The following ASIC2 variants were observed in gnomAD, a reference collection of about 807,000 sequenced individuals.
ASIC2 encodes acid sensing ion channel subunit 2, also known as acid-sensing ion channel 2.
ASIC2 carries 25 observed loss-of-function variants against 57.3 expected under a neutral mutation model. The observed-to-expected ratio is 0.44, with a 90% CI of 0.32 to 0.61. The LOEUF (loss-of-function observed/expected upper bound fraction) is 0.61. Among genes scored for constraint, ASIC2 ranks in the 20% least tolerant of loss-of-function variants. ASIC2 has a pLI of 0.06. For missense variants in ASIC2, 641 were observed against 738.1 expected, an observed-to-expected ratio of 0.87 and a Z score of 1.52; for synonymous variants, 319 against 307.5, an observed-to-expected ratio of 1.04 and a Z score of -0.39.
At chr17:33,467,091 C>T (rs1044427240) in intron 1 of ASIC2, among the ~76,000 whole-genome samples, 35 of 152,236 alleles carry the variant, frequency 2.3e-4, no homozygotes, top group African/African-American at 8.2e-4. Flanking sequence ...TTGCAATCTA[C>T]CTATCTGACA....
chr17:34,011,307 AC>A (rs544786784), intron 1 of ASIC2, among the ~76,000 whole-genome samples: 362 of 152,054 alleles, frequency 2.4e-3, no homozygotes, highest in Non-Finnish European at 4.1e-3. Flanking sequence ...CCTTCCTCCT[AC>A]CTGCCCCCAG....
intron 1 of ASIC2, among the ~76,000 whole-genome samples, chr17:33,554,081 C>T (rs1915831849): frequency 6.6e-6 from 1 of 152,200 alleles, no homozygotes; most frequent in South Asian, 2.1e-4. Flanking sequence ...GAGAATTACA[C>T]AGGGCAGCCA....
At chr17:33,841,997 G>A (rs558000442) in intron 1 of ASIC2, among the ~76,000 whole-genome samples, 7 of 152,172 alleles carry the variant, frequency 4.6e-5, no homozygotes, top group Middle Eastern at 3.4e-3. Flanking sequence ...GTCCAGTGGC[G>A]GAGGGCTAGA....
intron 1 of ASIC2, among the ~76,000 whole-genome samples, chr17:33,358,346 T>C (rs1908468246): frequency 6.6e-6 from 1 of 152,206 alleles, no homozygotes; most frequent in African/African-American, 2.4e-5. Flanking sequence ...TGCTGACCAA[T>C]GTTCTAGATC....
intron 1 of ASIC2, among the ~76,000 whole-genome samples, chr17:33,370,302 C>T (rs1908999963): frequency 6.6e-6 from 1 of 152,224 alleles, no homozygotes; most frequent in Admixed American, 6.5e-5. Flanking sequence ...GATCAAAGAA[C>T]ACCACCCCCA....
chr17:33,142,205 G>A (rs1904344117), intron 1 of ASIC2, among the ~76,000 whole-genome samples: 1 of 152,174 alleles, frequency 6.6e-6, no homozygotes, highest in African/African-American at 2.4e-5. Context: ...TCTTGGGAAT[G>A]GGGAAGGTAA....
chr17:33,880,265 C>A (rs1914665518), intron 1 of ASIC2, among the ~76,000 whole-genome samples: 1 of 152,024 alleles, frequency 6.6e-6, no homozygotes, highest in African/African-American at 2.4e-5. Context: ...CAGAGCAGAA[C>A]TGAAGGAAAT....
At chr17:33,759,662 A>G (rs2142111248) in intron 1 of ASIC2, among the ~76,000 whole-genome samples, 1 of 152,228 alleles carries the variant, frequency 6.6e-6, no homozygotes, top group East Asian at 1.9e-4. Context: ...GGTCCTCATG[A>G]TGGCCTTGCT....
At chr17:33,604,053 A>T (rs749842141) in intron 1 of ASIC2, among the ~76,000 whole-genome samples, 2 of 152,200 alleles carry the variant, frequency 1.3e-5, no homozygotes. Flanking sequence ...AAGGCGGCCT[A>T]GAAAATGTAG....
intron 1 of ASIC2, among the ~76,000 whole-genome samples, chr17:33,925,242 T>C (rs1339445836): frequency 6.6e-6 from 1 of 152,216 alleles, no homozygotes; most frequent in African/African-American, 2.4e-5. Context: ...TGGTCATATC[T>C]CCATACCAAC....
chr17:34,043,244 A>G (rs1908206423), intron 1 of ASIC2, among the ~76,000 whole-genome samples: 1 of 152,212 alleles, frequency 6.6e-6, no homozygotes, highest in Non-Finnish European at 1.5e-5. Context: ...ATCATAATGC[A>G]CTAAACTGTA....
At chr17:33,871,742 A>T (rs1022476318) in intron 1 of ASIC2, among the ~76,000 whole-genome samples, 2 of 152,100 alleles carry the variant, frequency 1.3e-5, no homozygotes, top group African/African-American at 4.8e-5. Context: ...CAGCTACCGG[A>T]AAGAGGGAGG....
At chr17:33,520,370 T>C (rs1914703627) in intron 1 of ASIC2, among the ~76,000 whole-genome samples, 2 of 152,216 alleles carry the variant, frequency 1.3e-5, no homozygotes, top group South Asian at 4.1e-4. Flanking sequence ...CTTTGGCCAG[T>C]GTTTGTCACA....
At chr17:33,203,163 C>T (rs886421949) in intron 1 of ASIC2, among the ~76,000 whole-genome samples, 2 of 152,188 alleles carry the variant, frequency 1.3e-5, no homozygotes, top group African/African-American at 4.8e-5. Flanking sequence ...TCCACTAGTG[C>T]CTGTATTATG....
chr17:33,928,136 A>T (rs938705659), intron 1 of ASIC2, among the ~76,000 whole-genome samples: 3 of 152,138 alleles, frequency 2.0e-5, no homozygotes, highest in Non-Finnish European at 4.4e-5. Flanking sequence ...TGCCAACTGG[A>T]AAAAAACCAC....
intron 1 of ASIC2, among the ~76,000 whole-genome samples, chr17:34,009,535 T>C (rs763045931): frequency 9.9e-5 from 15 of 152,238 alleles, no homozygotes; most frequent in East Asian, 1.9e-4. Flanking sequence ...TAAAAGACAT[T>C]ATAAGAACTA....
intron 1 of ASIC2, among the ~76,000 whole-genome samples, chr17:33,847,662 G>A (rs1296107389): frequency 1.3e-5 from 2 of 152,166 alleles, no homozygotes; most frequent in East Asian, 3.8e-4. Flanking sequence ...TTCCTTGAGA[G>A]TCTTCTGCAT....
chr17:33,929,022 C>T (rs994850164), intron 1 of ASIC2, among the ~76,000 whole-genome samples: 8 of 152,080 alleles, frequency 5.3e-5, no homozygotes, highest in African/African-American at 1.7e-4. Context: ...CCCACCCACT[C>T]GCATGCTTTT....
chr17:33,644,085 T>A (rs1906668281), intron 1 of ASIC2, among the ~76,000 whole-genome samples: 1 of 152,228 alleles, frequency 6.6e-6, no homozygotes, highest in Non-Finnish European at 1.5e-5. Context: ...GGGAGCACCA[T>A]GGCCAAGTCA....
Sources: allele counts gnomAD v4.1 joint callset (sites outside exome capture counted in the v4.1 genomes callset), GRCh38; gene constraint gnomAD v4.1.1; transcripts MANE v1.5; gene names NCBI Gene and HGNC (gene_info 2026-07-23, HGNC 2026-07-21).